The following RUNX1 variants were observed in gnomAD, a reference collection of about 807,000 sequenced individuals.
RUNX1 encodes RUNX family transcription factor 1, also known as runt-related transcription factor 1.
RUNX1 carries 19 observed loss-of-function variants against 42.8 expected under a neutral mutation model. The ratio of observed to expected loss-of-function variants is 0.44; its 90% CI spans 0.31 to 0.65. The LOEUF (loss-of-function observed/expected upper bound fraction) is 0.65, where lower values mean the gene tolerates loss of function less well. Among genes scored for constraint, RUNX1 ranks in the 30% least tolerant of loss-of-function variants. The probability of loss-of-function intolerance (pLI) is 0.07; values close to 1 mark genes in which losing one functional copy is unlikely to be tolerated. For missense variants in RUNX1, 528 were observed against 672.0 expected, an observed-to-expected ratio of 0.79 and a Z score of 2.37; for synonymous variants, 271 against 289.4, an observed-to-expected ratio of 0.94 and a Z score of 0.64.
At chr21:34,855,042 C>G (rs1270978979) in intron 6 of RUNX1, among the ~76,000 whole-genome samples, 1 of 152,132 alleles carries the variant, frequency 6.6e-6, no homozygotes, top group Non-Finnish European at 1.5e-5. Flanking sequence ...TGGGGACAGA[C>G]AGAAGTTATC....
At chr21:34,867,371 C>T (rs765867534) in intron 5 of RUNX1, among the ~76,000 whole-genome samples, 10 of 152,154 alleles carry the variant, frequency 6.6e-5, no homozygotes, top group Non-Finnish European at 1.2e-4. Flanking sequence ...ACCCAGGAGG[C>T]GGAGGTTGCA....
rs1034486858 is a variant in RUNX1, at chr21:34,843,591, T to G, written c.614-8990A>C. 1.3e-5 allele frequency among the ~76,000 whole-genome samples: 2 copies of G among 152,094 alleles called. No individual in the cohort carries two copies. Among genetic ancestry groups the G allele is most frequent in the Non-Finnish European group, 2.9e-5 (2 of 68,020 alleles). ...GACAAGTGTAGCAAGCAACAGTCAA[T>G]GGACAGGAAAGGCTGGCCAACGCCA... is the stretch of plus-strand genomic sequence containing the variant. On this transcript the variant is annotated intron_variant, in intron 6 of 8. Coordinates refer to ENST00000675419, the MANE Select transcript of RUNX1 (RefSeq NM_001754.5). This position sits in a 1 kb window ranked among gnomAD's most constrained non-coding sequence, Gnocchi z 4.8.
At chr21:34,946,628 G>A (rs1329395353) in intron 2 of RUNX1, among the ~76,000 whole-genome samples, 1 of 152,212 alleles carries the variant, frequency 6.6e-6, no homozygotes, top group Non-Finnish European at 1.5e-5. Context: ...GGTGGTTGAT[G>A]AATCAATTTA....
chr21:34,895,026 T>C (rs963655791), intron 2 of RUNX1, among the ~76,000 whole-genome samples: 1 of 151,990 alleles, frequency 6.6e-6, no homozygotes, highest in Non-Finnish European at 1.5e-5. Context: ...TTCTAAAAAA[T>C]TAACTCTGAT....
In RUNX1 at chr21:34,843,033, G is replaced by A. The variant is rs2057263248; in HGVS notation, c.614-8432C>T. Reference sequence around the variant, plus strand: ...TGCAATGAGCCAAGATCATGCCAGTGCACTCCAGCCTGAGCGACAGAGCGA... The same window carrying A: ...TGCAATGAGCCAAGATCATGCCAGTACACTCCAGCCTGAGCGACAGAGCGA... On this transcript the variant is annotated intron_variant, in intron 6 of 8. Coordinates refer to ENST00000675419, the MANE Select transcript of RUNX1 (RefSeq NM_001754.5). The surrounding 1 kb of genome is among the most constrained non-coding windows in gnomAD (Gnocchi z 4.8). Among the ~76,000 whole-genome samples, 1 of 152,156 alleles carries A rather than the reference G, an allele frequency of 6.6e-6. No individual in the cohort carries two copies. Among genetic ancestry groups the A allele is most frequent in the Non-Finnish European group, 1.5e-5 (1 of 68,012 alleles).
At chr21:34,977,059 T>C (rs1221816340) in intron 2 of RUNX1, among the ~76,000 whole-genome samples, 2 of 152,222 alleles carry the variant, frequency 1.3e-5, no homozygotes, top group African/African-American at 4.8e-5. Context: ...TTTGGAGAAA[T>C]CTCTGTATAA....
intron 2 of RUNX1, among the ~76,000 whole-genome samples, chr21:35,047,549 A>ACTCCCT (rs1262198638): frequency 4.6e-5 from 5 of 107,686 alleles, no homozygotes; most frequent in Admixed American, 9.6e-5. Flanking sequence ...ACACACACAC[A>ACTCCCT]CACACACACA....
intron 4 of RUNX1, among the ~76,000 whole-genome samples, chr21:34,884,186 C>G (rs929848268): frequency 6.6e-6 from 1 of 152,102 alleles, no homozygotes; most frequent in Non-Finnish European, 1.5e-5. Context: ...ATCTCTCATA[C>G]TGTAAAAAAT....
chr21:34,811,581 G>T lies in RUNX1; in HGVS notation c.806-12119C>A, dbSNP rs1434286980. ...CTGCCCCTTCACCTCCAAGAGCTCT[G>T]AACGGCTTTACAACTAGGAAGTCTC... On this transcript the variant is annotated intron_variant, in intron 7 of 8. Transcript: ENST00000675419. Among the ~76,000 whole-genome samples, 7 of 152,186 alleles carry T rather than the reference G, an allele frequency of 4.6e-5. No individual in the cohort carries two copies. The East Asian group carries it at 1.3e-3, about 29-fold the overall frequency.
chr21:34,937,486 C>T (rs2058494874), intron 2 of RUNX1, among the ~76,000 whole-genome samples: 1 of 152,042 alleles, frequency 6.6e-6, no homozygotes. Flanking sequence ...TAAGATACAA[C>T]TTAATAATAA....
At position 34,821,297 on chromosome 21, in the gene RUNX1, T is replaced by C. The variant is rs1001129859; in HGVS notation, c.805+13113A>G. ...GCAATAATAGTGAAAAAGAATAACA[T>C]TGACCATTTATTAAGTATTGAAAGT... On this transcript the variant is annotated intron_variant, in intron 7 of 8. Transcript: ENST00000675419. The C allele has an allele frequency of 1.1e-5, 12 of 1,105,120 alleles. No individual in the cohort carries two copies. The Admixed American group carries it at 4.2e-4, about 39-fold the overall frequency. The allele number at this position is 1,105,120 out of a possible 1,614,324, so 68.5% of individuals were successfully genotyped here.
chr21:34,798,933 A>G (rs939972600), intron 8 of RUNX1, among the ~76,000 whole-genome samples: 2 of 152,108 alleles, frequency 1.3e-5, no homozygotes, highest in Non-Finnish European at 2.9e-5. Context: ...GTGAAAATTT[A>G]CCACCACCGC....
At chr21:34,851,020 G>T (rs2057410554) in intron 6 of RUNX1, among the ~76,000 whole-genome samples, 1 of 152,168 alleles carries the variant, frequency 6.6e-6, no homozygotes, top group Non-Finnish European at 1.5e-5. Context: ...ACTACCAACT[G>T]TCCCCGTTTT....
intron 2 of RUNX1, among the ~76,000 whole-genome samples, chr21:34,981,314 T>C (rs907272233): frequency 2.6e-5 from 4 of 152,252 alleles, no homozygotes; most frequent in African/African-American, 7.2e-5. Flanking sequence ...GAATGACAAA[T>C]CTGTTATTGT....
At chr21:34,798,209 C>T (rs557034861) in intron 8 of RUNX1, 65 of 447,916 alleles carry the variant, frequency 1.5e-4, no homozygotes, top group Non-Finnish European at 2.8e-4. Flanking sequence ...AGACCCGCCC[C>T]GTTCCCCCAA....
chr21:35,025,326 G>A (rs1201920457), intron 2 of RUNX1, among the ~76,000 whole-genome samples: 1 of 152,082 alleles, frequency 6.6e-6, no homozygotes, highest in African/African-American at 2.4e-5. Context: ...GCCTGGCCCC[G>A]GCCCACTGAA....
At chr21:34,943,981 A>C (rs1445299884) in intron 2 of RUNX1, among the ~76,000 whole-genome samples, 4 of 152,084 alleles carry the variant, frequency 2.6e-5, no homozygotes, top group Non-Finnish European at 5.9e-5. Context: ...TAAGGAAATA[A>C]TTTCTTGTGC....
At chr21:34,960,177 G>A (rs1291972478) in intron 2 of RUNX1, among the ~76,000 whole-genome samples, 1 of 152,190 alleles carries the variant, frequency 6.6e-6, no homozygotes, top group East Asian at 1.9e-4. Context: ...GTGTGGTAGA[G>A]ACTCAACCAT....
In RUNX1 at chr21:35,040,555, C is replaced by T. The variant is rs142619162; in HGVS notation, c.58+8287G>A. ...TTGGGAGGCTGAGGCGGGCAGATCA[C>T]GAGGTCGGGAGATCGAAACCATCCT... On this transcript the variant is annotated intron_variant, in intron 2 of 8. Coordinates refer to ENST00000675419, the MANE Select transcript of RUNX1 (RefSeq NM_001754.5). Among the ~76,000 whole-genome samples, 426 of 152,026 alleles carry T rather than the reference C, an allele frequency of 2.8e-3. 5 individuals are homozygous for T. The highest frequency in any genetic ancestry group is 9.5e-3 in the African/African-American group (393 of 41,472).
Sources: gnomAD v4.1 joint callset for allele counts (sites outside exome capture counted in the v4.1 genomes callset) on GRCh38, gnomAD v4.1.1 for gene constraint, Gnocchi (gnomAD v3.1) non-coding constraint, MANE v1.5 for transcripts, NCBI Gene and HGNC (gene_info 2026-07-23, HGNC 2026-07-21) for gene names.